The following CSMD3 variants were observed in gnomAD, a reference collection of about 807,000 sequenced individuals.
The protein encoded by CSMD3 is CUB and sushi domain-containing protein 3.
A neutral mutation model predicts 435.2 loss-of-function variants in CSMD3; 177 were observed. The ratio of observed to expected loss-of-function variants is 0.41; its 90% CI spans 0.36 to 0.46. CSMD3 has a LOEUF of 0.46. Ranked by LOEUF, CSMD3 falls within the 20% of genes least tolerant of loss-of-function variation. The pLI is 0.34. For missense variants in CSMD3, 4,265 were observed against 4,504.6 expected (o/e 0.95, Z 1.52); for synonymous variants, 1,656 against 1,520.5 (o/e 1.09, Z -2.07).
At chr8:112,464,689 C>A (rs530561003) in intron 32 of CSMD3, among the ~76,000 whole-genome samples, 1 of 152,228 alleles carries the variant, frequency 6.6e-6, no homozygotes, top group Non-Finnish European at 1.5e-5. Context: ...TATGAAATGT[C>A]TCTGATTGGT....
intron 4 of CSMD3, among the ~76,000 whole-genome samples, chr8:113,121,679 T>A (rs2090990107): frequency 6.6e-6 from 1 of 152,084 alleles, no homozygotes; most frequent in Admixed American, 6.6e-5. Context: ...TATCTAAAAT[T>A]GTTGGTTAAA....
At chr8:113,376,839 C>T (rs2094387103) in intron 1 of CSMD3, 1 of 1,613,146 alleles carries the variant, frequency 6.2e-7, no homozygotes, top group South Asian at 1.1e-5. Context: ...GTCGCAACAA[C>T]CGGCCACCTC....
intron 59 of CSMD3, among the ~76,000 whole-genome samples, chr8:112,270,541 T>C (rs561659522): frequency 6.6e-6 from 1 of 152,230 alleles, no homozygotes; most frequent in African/African-American, 2.4e-5. Context: ...CTGTGAAATA[T>C]TAGGGAGCAG....
At chr8:113,435,951 T>C (rs1409088092) in intron 1 of CSMD3, among the ~76,000 whole-genome samples, 1 of 152,016 alleles carries the variant, frequency 6.6e-6, no homozygotes, top group Non-Finnish European at 1.5e-5. Context: ...ACTCTACCTG[T>C]CTGAACGCTG....
At chr8:112,699,394 C>G (rs746057719) in intron 13 of CSMD3, among the ~76,000 whole-genome samples, 1 of 152,066 alleles carries the variant, frequency 6.6e-6, no homozygotes, top group Non-Finnish European at 1.5e-5. Flanking sequence ...TTGAAGTCGG[C>G]AAGACCTAGA....
At chr8:112,308,519 G>T (rs1316765439) in intron 50 of CSMD3, among the ~76,000 whole-genome samples, 2 of 151,874 alleles carry the variant, frequency 1.3e-5, no homozygotes, top group Non-Finnish European at 2.9e-5. Flanking sequence ...AAGAAGAAAA[G>T]AAAGAAAATA....
chr8:112,834,220 T>G (rs1281173954), intron 11 of CSMD3, among the ~76,000 whole-genome samples: 1 of 151,970 alleles, frequency 6.6e-6, no homozygotes, highest in Non-Finnish European at 1.5e-5. Context: ...ACTTAACCAC[T>G]GAGCTTTCAC....
intron 40 of CSMD3, among the ~76,000 whole-genome samples, chr8:112,348,711 A>G (rs1825884671): frequency 6.6e-6 from 1 of 152,210 alleles, no homozygotes; most frequent in Non-Finnish European, 1.5e-5. Flanking sequence ...AGCATGACCA[A>G]CATGGTGAAA....
intron 65 of CSMD3, among the ~76,000 whole-genome samples, chr8:112,242,298 T>G (rs1037297680): frequency 9.2e-5 from 14 of 152,104 alleles, no homozygotes; most frequent in African/African-American, 3.1e-4. Flanking sequence ...AAATAAATCA[T>G]GTAGGATGTA....
intron 2 of CSMD3, among the ~76,000 whole-genome samples, chr8:113,303,310 C>A (rs1307020996): frequency 5.6e-5 from 8 of 142,938 alleles, no homozygotes; most frequent in Non-Finnish European, 1.1e-4. Context: ...TAGGAAGAAT[C>A]AATATCGTGA....
intron 27 of CSMD3, among the ~76,000 whole-genome samples, chr8:112,518,357 A>G (rs1367602315): frequency 6.6e-6 from 1 of 151,748 alleles, no homozygotes. Flanking sequence ...AAAAAAAAAA[A>G]ATTAGCCCAG....
intron 13 of CSMD3, among the ~76,000 whole-genome samples, chr8:112,775,076 C>T (rs1413537305): frequency 6.6e-6 from 1 of 151,830 alleles, no homozygotes; most frequent in East Asian, 1.9e-4. Context: ...CCCCACTTTG[C>T]TGACCTGATA....
At chr8:113,326,240 T>G (rs1349301091) in intron 1 of CSMD3, among the ~76,000 whole-genome samples, 1 of 152,150 alleles carries the variant, frequency 6.6e-6, no homozygotes, top group East Asian at 1.9e-4. Context: ...TCTGACAGTC[T>G]TTCTTTGAAC....
At chr8:112,797,530 T>C (rs1401601878) in intron 13 of CSMD3, among the ~76,000 whole-genome samples, 1 of 151,870 alleles carries the variant, frequency 6.6e-6, no homozygotes, top group Non-Finnish European at 1.5e-5. Context: ...TGAGACAAAC[T>C]ACTCAATAAA....
rs2130830527 is a variant in CSMD3, at chr8:112,313,926, C to T, written c.7676G>A (p.Gly2559Asp). The change falls in exon 49 of 71, where the codon GGC becomes GAC. Residue 2559 changes from glycine (G) to aspartate (D), a missense_variant. Coordinates refer to ENST00000297405, the MANE Select transcript of CSMD3 (RefSeq NM_198123.2). ...WSADHGNNKKGFRIRYIAFYC... is the reference protein window; with the variant it reads ...WSADHGNNKKDFRIRYIAFYC... ...CATACCTATATATCTTATCCGGAAG[C>T]CTTTTTTGTTATTGCCATGATCTGC... is the stretch of plus-strand genomic sequence containing the variant. The T allele has an allele frequency of 6.2e-7, 1 of 1,611,812 alleles. No individual in the cohort carries two copies. The highest frequency in any genetic ancestry group is 8.5e-7 in the Non-Finnish European group (1 of 1,178,350).
At chr8:112,378,545 G>A (rs62514452) in intron 38 of CSMD3, among the ~76,000 whole-genome samples, 2 of 152,108 alleles carry the variant, frequency 1.3e-5, no homozygotes, top group Non-Finnish European at 2.9e-5. Context: ...GTTACGTTAA[G>A]TGAAATGAGC....
chr8:112,299,211 A>G (rs1820667346), intron 53 of CSMD3, among the ~76,000 whole-genome samples: 1 of 152,122 alleles, frequency 6.6e-6, no homozygotes, highest in Non-Finnish European at 1.5e-5. Context: ...AGAGTTGCAC[A>G]GTGACCGTGA....
chr8:113,006,469 G>A (rs2086060709), intron 6 of CSMD3, among the ~76,000 whole-genome samples: 1 of 151,984 alleles, frequency 6.6e-6, no homozygotes, highest in South Asian at 2.1e-4. Context: ...GCCTAGTAGG[G>A]TGGGCTTTAA....
At chr8:112,638,040 T>C (rs916414220) in intron 21 of CSMD3, among the ~76,000 whole-genome samples, 2 of 151,830 alleles carry the variant, frequency 1.3e-5, no homozygotes, top group South Asian at 4.2e-4. Flanking sequence ...ATACATTTTA[T>C]TTTCTTTGGT....
Sources: allele counts gnomAD v4.1 joint callset (sites outside exome capture counted in the v4.1 genomes callset), GRCh38; gene constraint gnomAD v4.1.1; transcripts MANE v1.5; gene names NCBI Gene and HGNC (gene_info 2026-07-23, HGNC 2026-07-21).